CYP2B6: variants seen among roughly 807,000 people sequenced by gnomAD.
The protein encoded by CYP2B6 is cytochrome P450 family 2 subfamily B member 6.
CYP2B6 carries 35 observed loss-of-function variants against 43.4 expected under a neutral mutation model. The observed-to-expected ratio is 0.81, with a 90% CI of 0.62 to 1.07. CYP2B6 has a LOEUF of 1.07. CYP2B6 is among the 50% of genes least tolerant of loss of function. The pLI, the probability that CYP2B6 is intolerant of heterozygous loss-of-function variation, is 0.00. For synonymous variants in CYP2B6, 239 were observed against 239.2 expected (o/e 1.00, Z 0.01); for missense variants, 624 against 632.8 (o/e 0.99, Z 0.15).
Position 41,004,611 on chromosome 19 carries a change from G to A in CYP2B6, c.484+165G>A, listed in dbSNP as rs115371888. Among the ~76,000 whole-genome samples, 7 of 152,096 alleles carry A rather than the reference G, an allele frequency of 4.6e-5. No individual in the cohort carries two copies. In the South Asian group the frequency reaches 1.5e-3, roughly 32 times the overall value. On this transcript the variant is annotated intron_variant, in intron 3 of 8. Coordinates refer to ENST00000324071, the MANE Select transcript of CYP2B6 (RefSeq NM_000767.5). ...AGAGACAGAGAGGGAGAGAGACAGG[G>A]GAATAGAGAGGGATGGGGATGGGCA...
At chr19:41,013,820 A>G (rs1174891831) in intron 8 of CYP2B6, among the ~76,000 whole-genome samples, 2 of 152,208 alleles carry the variant, frequency 1.3e-5, no homozygotes, top group East Asian at 1.9e-4. Context: ...AGGAACCAGT[A>G]AAGGTTCAGA....
In CYP2B6 at chr19:40,991,315, A is replaced by G; in HGVS notation, c.10A>G (p.Ser4Gly). 6.2e-7 allele frequency: 1 copy of G among 1,614,086 alleles called. No homozygotes were observed. Among genetic ancestry groups the G allele is most frequent in the Non-Finnish European group, 8.5e-7 (1 of 1,180,024 alleles). Residue 4 changes from serine to glycine, a missense_variant, in exon 1 of 9, where the codon AGC becomes GGC. Physicochemically the swap from Ser to Gly is moderately conservative, Grantham distance 56. Coordinates refer to ENST00000324071, the MANE Select transcript of CYP2B6 (RefSeq NM_000767.5). ...CAGTCAGACCAGGACCATGGAACTCAGCGTCCTCCTCTTCCTTGCACTCCT... is the reference window on the plus strand; with the variant it reads ...CAGTCAGACCAGGACCATGGAACTCGGCGTCCTCCTCTTCCTTGCACTCCT... MEL[S>G]VLLFLALLTG...
chr19:41,001,091 G>C (rs935049635), intron 1 of CYP2B6, among the ~76,000 whole-genome samples: 1 of 151,998 alleles, frequency 6.6e-6, no homozygotes, highest in African/African-American at 2.4e-5. Context: ...TGATAGTGAT[G>C]CTCAGCCTGG....
chr19:41,004,171 C>T lies in CYP2B6; in HGVS notation c.334+8C>T. ...CATTCTTCCGGGGATATGGTGAGAG[C>T]CTCAGAGGCACTGGGAGGGGGCGGG... On this transcript the variant is annotated splice_region_variant and intron_variant, in intron 2 of 8. Transcript: ENST00000324071. 1 of 1,592,996 alleles carries T rather than the reference C, an allele frequency of 6.3e-7. No homozygotes were observed. Among genetic ancestry groups the T allele is most frequent in the Non-Finnish European group, 8.6e-7 (1 of 1,164,786 alleles).
At position 41,006,675 on chromosome 19, in the gene CYP2B6, G is replaced by T. The variant is rs536012403; in HGVS notation, c.485-230G>T. On this transcript the variant is annotated intron_variant, in intron 3 of 8. Transcript: ENST00000324071. ...CTTTGGTCAAATTACTCAGCCTCTC[G>T]GTCTGCCCATCTATAAACTGGAGCT... Among the ~76,000 whole-genome samples the T allele has an allele frequency of 2.6e-5, 4 of 152,018 alleles. No homozygotes were observed. The East Asian group carries it at 5.8e-4, about 22-fold the overall frequency.
At chr19:40,991,625 G>A (rs1447224539) in intron 1 of CYP2B6, 149 bp downstream of exon 1, 1 of 832,290 alleles carries the variant, frequency 1.2e-6, no homozygotes, top group East Asian at 2.4e-5. Context: ...AGCATGATGG[G>A]TGGTATTATT....
At chr19:41,016,217 G>A (rs1278610463) in intron 8 of CYP2B6, among the ~76,000 whole-genome samples, 1 of 151,930 alleles carries the variant, frequency 6.6e-6, no homozygotes, top group Non-Finnish European at 1.5e-5. Context: ...CCAATATGAT[G>A]ATACCCCATG....
chr19:41,007,115 A>C (rs1047509367), intron 4 of CYP2B6, 50 bp downstream of exon 4: 12 of 1,555,172 alleles, frequency 7.7e-6, no homozygotes, highest in Non-Finnish European at 9.8e-6. Flanking sequence ...GTGAACACCC[A>C]GAACACACGA....
chr19:40,996,674 T>G (rs943243558), intron 1 of CYP2B6, among the ~76,000 whole-genome samples: 1 of 152,154 alleles, frequency 6.6e-6, no homozygotes, highest in Non-Finnish European at 1.5e-5. Context: ...ATTTTCTCTC[T>G]TCTATGATGA....
At chr19:40,991,975 G>T (rs1461213552) in intron 1 of CYP2B6, among the ~76,000 whole-genome samples, 1 of 152,076 alleles carries the variant, frequency 6.6e-6, no homozygotes, top group African/African-American at 2.4e-5. Context: ...GGCCGAGGTG[G>T]TGGATCACCT....
chr19:41,005,023 A>G (rs918282984), intron 3 of CYP2B6, among the ~76,000 whole-genome samples: 4 of 152,146 alleles, frequency 2.6e-5, no homozygotes, highest in African/African-American at 9.7e-5. Flanking sequence ...CCTCAAAGAC[A>G]TATAATTTCA....
chr19:40,991,539 T>C (rs1026779253), intron 1 of CYP2B6, 63 bp downstream of exon 1: 62 of 1,581,172 alleles, frequency 3.9e-5, no homozygotes, highest in Middle Eastern at 2.2e-4. Context: ...TTGGGGAAGC[T>C]TCACCAAACA....
At chr19:41,016,173 A>G (rs1200242891) in intron 8 of CYP2B6, among the ~76,000 whole-genome samples, 1 of 152,064 alleles carries the variant, frequency 6.6e-6, no homozygotes. Flanking sequence ...AGGCAGGTGG[A>G]TTATCTGAGG....
At chr19:41,000,818 C>T (rs1457205711) in intron 1 of CYP2B6, among the ~76,000 whole-genome samples, 3 of 151,944 alleles carry the variant, frequency 2.0e-5, no homozygotes, top group African/African-American at 7.3e-5. Flanking sequence ...GCAGGTGGAT[C>T]AACTGAGGTC....
At chr19:41,003,952 G>A (rs767594759) in intron 1 of CYP2B6, 49 bp from the exon 2 acceptor site, 3 of 1,590,450 alleles carry the variant, frequency 1.9e-6, no homozygotes, top group East Asian at 4.5e-5. Flanking sequence ...TTTTACAAAT[G>A]AGGTGTATGC....
intron 5 of CYP2B6, 184 bp from the exon 6 acceptor site, chr19:41,009,810 G>C (rs1192612302): frequency 3.0e-6 from 2 of 658,818 alleles, no homozygotes; most frequent in East Asian, 2.7e-5. Flanking sequence ...GAAGACTAAA[G>C]AGAGGCTGAG....
In CYP2B6 at chr19:41,012,340, G is replaced by A. The variant is rs567219326; in HGVS notation, c.1007G>A (p.Arg336His). Reference protein sequence around the residue: ...REIEQVIGPHRPPELHDRAKM... With the variant: ...REIEQVIGPHHPPELHDRAKM... ...ATTGAACAGGTGATTGGCCCACATC[G>A]CCCTCCAGAGCTTCATGACCGAGCC... is the stretch of plus-strand genomic sequence containing the variant. The change falls in exon 7 of 9, where the codon CGC becomes CAC. Residue 336 changes from arginine to histidine, a missense_variant. Arg to His is a conservative substitution (Grantham distance 29). Transcript: ENST00000324071. 3.6e-5 allele frequency: 58 copies of A among 1,613,952 alleles called. No individual in the cohort carries two copies. The highest frequency in any genetic ancestry group is 2.0e-4 in the South Asian group (18 of 91,068).
intron 7 of CYP2B6, 35 bp from the exon 8 acceptor site, chr19:41,012,639 T>C: frequency 1.2e-6 from 2 of 1,613,544 alleles, no homozygotes; most frequent in Non-Finnish European, 1.7e-6. Flanking sequence ...TTGGAGGGAA[T>C]GGCAATATCT....
chr19:41,012,848 C>T, intron 8 of CYP2B6, 33 bp downstream of exon 8: 1 of 1,613,004 alleles, frequency 6.2e-7, no homozygotes, highest in Non-Finnish European at 8.5e-7. Flanking sequence ...TTCCCAGACA[C>T]CAGAGGGCAG....
Sources: gnomAD v4.1 joint callset for allele counts (sites outside exome capture counted in the v4.1 genomes callset) on GRCh38, gnomAD v4.1.1 for gene constraint, MANE v1.5 for transcripts, NCBI Gene and HGNC (gene_info 2026-07-23, HGNC 2026-07-21) for gene names.